The following RNF169 variants were observed in gnomAD, a reference collection of about 807,000 sequenced individuals.
RNF169 encodes E3 ubiquitin-protein ligase RNF169.
A neutral mutation model predicts 53.9 loss-of-function variants in RNF169; 24 were observed. The observed-to-expected ratio is 0.45, with a 90% CI of 0.32 to 0.63. The LOEUF is 0.63. RNF169 is among the 20% of genes least tolerant of loss of function. The pLI is 0.04. For missense variants in RNF169, 883 were observed against 906.2 expected (o/e 0.97, Z 0.33); for synonymous variants, 396 against 363.5 (o/e 1.09, Z -1.02).
chr11:74,822,731 G>C (rs374222391), intron 4 of RNF169, among the ~76,000 whole-genome samples: 1 of 152,156 alleles, frequency 6.6e-6, no homozygotes, highest in African/African-American at 2.4e-5. Context: ...GATTAAATGA[G>C]ATACAATATA....
rs1237180762 is a variant in RNF169 at position 74,836,088 on chromosome 11, A to C, written c.1485A>C (p.Gly495=). 1 of 1,614,134 alleles carries C rather than the reference A, an allele frequency of 6.2e-7. No homozygotes were observed. Among genetic ancestry groups the C allele is most frequent in the Non-Finnish European group, 8.5e-7 (1 of 1,180,036 alleles). ...GGCAGGTCCTCTCTGAGTATACTGG[A>C]CCCACCTCTGCTGATCTTGATCATT... is the stretch of plus-strand genomic sequence containing the variant. ...SGGQVLSEYT[G]PTSADLDHFP... Residue 495 remains glycine (G), a synonymous_variant, in exon 6 of 6, where the codon GGA becomes GGC. Transcript: ENST00000299563.
At position 74,748,919 on chromosome 11, in the gene RNF169, G is replaced by C; in HGVS notation, c.39G>C (p.Ala13=). 6.9e-7 allele frequency: 1 copy of C among 1,448,212 alleles called. No individual in the cohort carries two copies. Among genetic ancestry groups the C allele is most frequent in the Non-Finnish European group, 9.2e-7 (1 of 1,090,558 alleles). The allele number at this position is 1,448,212 out of a possible 1,614,324, so 89.7% of individuals were successfully genotyped here. ...AAGPSTRASS[A]AAAAALSRRG... ...GTCCGAGTACTCGGGCCTCTTCCGC[G>C]GCGGCAGCAGCCGCTCTGAGTCGGC... is the stretch of plus-strand genomic sequence containing the variant. Residue 13 remains alanine (A), a synonymous_variant, in exon 1 of 6, where the codon GCG becomes GCC. Coordinates refer to ENST00000299563, the MANE Select transcript of RNF169 (RefSeq NM_001098638.2).
chr11:74,820,518 G>A (rs2035995104), intron 4 of RNF169, among the ~76,000 whole-genome samples: 1 of 151,860 alleles, frequency 6.6e-6, no homozygotes, highest in African/African-American at 2.4e-5. Flanking sequence ...TTGTGTGTGG[G>A]GAATAGTCAA....
In RNF169 at chr11:74,841,818, T is replaced by C. The variant is rs1347126023; in HGVS notation, c.*5088T>C. On this transcript the variant is annotated 3_prime_UTR_variant, in exon 6 of 6. Coordinates refer to ENST00000299563, the MANE Select transcript of RNF169 (RefSeq NM_001098638.2). ...TGTTGGCCCTGGTTCCAGATTAATA[T>C]AGCAGCAGGCAGATTGCCCCTTCTT... The C allele has an allele frequency of 1.3e-5, 2 of 152,214 alleles. No individual in the cohort carries two copies. Among genetic ancestry groups the C allele is most frequent in the Non-Finnish European group, 2.9e-5 (2 of 68,036 alleles). 9.4% of individuals were successfully genotyped at this position (152,214 alleles called of 1,614,324 possible).
chr11:74,748,949 C>A lies in RNF169; in HGVS notation c.69C>A (p.Gly23=). 1.4e-6 allele frequency: 2 copies of A among 1,461,958 alleles called. No individual in the cohort carries two copies. The highest frequency in any genetic ancestry group is 1.8e-6 in the Non-Finnish European group (2 of 1,094,872). The allele number at this position is 1,461,958 out of a possible 1,614,324, so 90.6% of individuals were successfully genotyped here. The change falls in exon 1 of 6, where the codon GGC becomes GGA. Residue 23 remains glycine (G), a synonymous_variant. Transcript: ENST00000299563. The part of the protein sequence containing the change: ...AAAAAALSRR[G]RRGRCDETAA... The stretch of plus-strand genomic sequence containing the variant: ...CAGCAGCCGCTCTGAGTCGGCGGGG[C>A]CGGCGGGGCCGCTGTGACGAGACGG...
At chr11:74,816,572 C>T (rs1377118368) in intron 3 of RNF169, among the ~76,000 whole-genome samples, 1 of 152,166 alleles carries the variant, frequency 6.6e-6, no homozygotes, top group Non-Finnish European at 1.5e-5. Flanking sequence ...GAAAAACTAA[C>T]TCTAGGATAA....
chr11:74,836,615 AG>A lies in RNF169; in HGVS notation c.2013del (p.Gln671HisfsTer17), dbSNP rs1276607922. On this transcript the variant is annotated frameshift_variant, in exon 6 of 6. Transcript: ENST00000299563. LOFTEE classifies it high-confidence loss of function. ...CTTCAGCAAGAGGAAGAAGACCGACAGTTGGCTCTGCAGTTGCAGCGCATGT... is the reference window on the plus strand; with the variant it reads ...CTTCAGCAAGAGGAAGAAGACCGACATTGGCTCTGCAGTTGCAGCGCATGT... ...QKLQQEEEDR[Q>X]LALQLQRMFD... 2.2e-5 allele frequency: 36 copies of A among 1,614,026 alleles called. No individual in the cohort carries two copies. In the Admixed American group the frequency reaches 5.8e-4, roughly 26 times the overall value.
At chr11:74,791,891 G>A (rs990361266) in intron 2 of RNF169, among the ~76,000 whole-genome samples, 19 of 152,208 alleles carry the variant, frequency 1.2e-4, no homozygotes, top group Non-Finnish European at 1.8e-4. Flanking sequence ...TGCCGGCTCC[G>A]TGGAGCGTAC....
intron 2 of RNF169, among the ~76,000 whole-genome samples, chr11:74,802,538 G>T (rs894585071): frequency 6.6e-6 from 1 of 152,150 alleles, no homozygotes; most frequent in African/African-American, 2.4e-5. Flanking sequence ...AGCTACTTGG[G>T]AGGCTGAGGC....
At chr11:74,785,199 T>G (rs928873990) in intron 1 of RNF169, among the ~76,000 whole-genome samples, 1 of 116,090 alleles carries the variant, frequency 8.6e-6, no homozygotes, top group African/African-American at 4.9e-5. Context: ...ATATATATGA[T>G]ATATATATAT....
intron 2 of RNF169, among the ~76,000 whole-genome samples, chr11:74,806,269 A>G (rs2135111605): frequency 6.6e-6 from 1 of 152,348 alleles, no homozygotes. Context: ...TCATTAGAGA[A>G]ATACAAATTA....
intron 4 of RNF169, among the ~76,000 whole-genome samples, chr11:74,830,039 C>A (rs1370153075): frequency 2.0e-5 from 3 of 152,096 alleles, no homozygotes; most frequent in South Asian, 2.1e-4. Context: ...TAAAGAAAAC[C>A]TGTACATCAA....
At chr11:74,776,892 AT>A (rs1313709895) in intron 1 of RNF169, among the ~76,000 whole-genome samples, 1 of 152,182 alleles carries the variant, frequency 6.6e-6, no homozygotes, top group Admixed American at 6.6e-5. Context: ...GAAAAGGATT[AT>A]TGAAGGAATA....
At chr11:74,765,252 G>A (rs1241429366) in intron 1 of RNF169, among the ~76,000 whole-genome samples, 1 of 152,146 alleles carries the variant, frequency 6.6e-6, no homozygotes, top group Non-Finnish European at 1.5e-5. Flanking sequence ...TATATAACTT[G>A]ATCTCTACAC....
chr11:74,815,481 G>A (rs1452145250), intron 3 of RNF169, among the ~76,000 whole-genome samples: 6 of 152,028 alleles, frequency 3.9e-5, no homozygotes, highest in Admixed American at 2.0e-4. Context: ...ACTTGAACCC[G>A]GGAGGCGGAG....
intron 2 of RNF169, among the ~76,000 whole-genome samples, chr11:74,801,721 A>G (rs540794621): frequency 2.0e-5 from 3 of 152,258 alleles, no homozygotes; most frequent in Non-Finnish European, 2.9e-5. Flanking sequence ...CTGATGTGGG[A>G]GGATCACTGG....
intron 4 of RNF169, among the ~76,000 whole-genome samples, chr11:74,826,866 C>T (rs1469710554): frequency 6.6e-6 from 1 of 152,226 alleles, no homozygotes; most frequent in Non-Finnish European, 1.5e-5. Context: ...CAGCTCTGCC[C>T]CTGTGGCTTT....
chr11:74,781,000 C>T (rs772253488), intron 1 of RNF169, among the ~76,000 whole-genome samples: 1 of 152,222 alleles, frequency 6.6e-6, no homozygotes, highest in Admixed American at 6.5e-5. Context: ...TCCCCGCTAC[C>T]TAGCTCCCAG....
At chr11:74,769,743 G>A (rs551323821) in intron 1 of RNF169, among the ~76,000 whole-genome samples, 12 of 152,320 alleles carry the variant, frequency 7.9e-5, no homozygotes, top group African/African-American at 2.9e-4. Flanking sequence ...GAAGATAGGA[G>A]TCATTTCAAT....
Sources: allele counts gnomAD v4.1 joint callset (sites outside exome capture counted in the v4.1 genomes callset), GRCh38; gene constraint gnomAD v4.1.1; transcripts MANE v1.5; gene names NCBI Gene and HGNC (gene_info 2026-07-23, HGNC 2026-07-21).